The following IL1RAPL1 variants were observed in gnomAD, a reference collection of about 807,000 sequenced individuals.
IL1RAPL1 encodes the protein interleukin-1 receptor accessory protein-like 1.
Under a neutral mutation model 48.4 loss-of-function variants are expected in IL1RAPL1, and 3 were observed. The ratio of observed to expected loss-of-function variants is 0.06; its 90% CI spans 0.03 to 0.16. IL1RAPL1 has a LOEUF of 0.16. Ranked by LOEUF, IL1RAPL1 falls within the 10% of genes least tolerant of loss-of-function variation. IL1RAPL1 has a pLI of 1.00. For missense variants in IL1RAPL1, 349 were observed against 530.6 expected (o/e 0.66, Z 3.36); for synonymous variants, 185 against 187.7 (o/e 0.99, Z 0.12).
At chrX:29,282,897 A>G (rs1322605084) in intron 2 of IL1RAPL1, 41 bp from the exon 3 acceptor site, 22 of 1,187,623 alleles carry the variant, frequency 1.9e-5, no homozygotes, top group Admixed American at 4.4e-5. Flanking sequence ...TTTTGCCTCT[A>G]ATGTTTTTCC....
chrX:29,174,807 C>G (rs1334876353), intron 2 of IL1RAPL1, among the ~76,000 whole-genome samples: 1 of 111,932 alleles, frequency 8.9e-6, no homozygotes, highest in Non-Finnish European at 1.9e-5. Context: ...GGCGTGCTGG[C>G]TCACGCCTGC....
At chrX:29,338,394 ATAT>A (rs1933027056) in intron 3 of IL1RAPL1, among the ~76,000 whole-genome samples, 1 of 112,198 alleles carries the variant, frequency 8.9e-6, no homozygotes, top group Admixed American at 9.5e-5. Flanking sequence ...GGTTTTGTAG[ATAT>A]TATTAAATCT....
chrX:29,094,648 G>A (rs1928166097), intron 2 of IL1RAPL1, among the ~76,000 whole-genome samples: 1 of 100,599 alleles, frequency 9.9e-6, no homozygotes, highest in Non-Finnish European at 2.0e-5. Flanking sequence ...GCAGGTACCT[G>A]TAATCATAGC....
chrX:29,430,225 G>A (rs2147711370), intron 5 of IL1RAPL1, among the ~76,000 whole-genome samples: 2 of 110,896 alleles, frequency 1.8e-5, no homozygotes, highest in East Asian at 5.6e-4. Context: ...AAACTTCCTG[G>A]GGTCCCCTTA....
chrX:29,757,911 G>C (rs1490741818), intron 6 of IL1RAPL1, among the ~76,000 whole-genome samples: 1 of 111,379 alleles, frequency 9.0e-6, no homozygotes, highest in East Asian at 2.8e-4. Context: ...GGAGGAAGAA[G>C]AGGGTCAAAA....
intron 2 of IL1RAPL1, among the ~76,000 whole-genome samples, chrX:28,934,192 A>G (rs1923958252): frequency 9.0e-6 from 1 of 110,903 alleles, no homozygotes; most frequent in African/African-American, 3.3e-5. Flanking sequence ...TCTGGTTCGA[A>G]CACCTCTGAC....
chrX:29,380,753 G>T (rs941448832), intron 3 of IL1RAPL1, among the ~76,000 whole-genome samples: 6 of 111,902 alleles, frequency 5.4e-5, no homozygotes, highest in Non-Finnish European at 1.1e-4. Flanking sequence ...TACATTCCGA[G>T]TATCACTTGG....
Position 29,049,516 on chromosome X carries a change from C to A in IL1RAPL1, c.83-233422C>A, listed in dbSNP as rs139235368. On this transcript the variant is annotated intron_variant, in intron 2 of 10. Transcript: ENST00000378993. ...TGAAGATAGGGAGCCCTGACCCTTT[C>A]ATTTTCTGTTCCGTACATATTTGAC... 1.2e-3 allele frequency among the ~76,000 whole-genome samples: 139 copies of A among 111,719 alleles called. 3 individuals carry two copies. In the East Asian group the frequency reaches 0.038, roughly 31 times the overall value.
chrX:28,835,465 C>T (rs140540420), intron 2 of IL1RAPL1, among the ~76,000 whole-genome samples: 122 of 110,992 alleles, frequency 1.1e-3, no homozygotes, highest in African/African-American at 3.8e-3. Flanking sequence ...GGAACTATCT[C>T]GATTGCCCAA....
At chrX:29,838,541 A>T (rs886823335) in intron 6 of IL1RAPL1, among the ~76,000 whole-genome samples, 1 of 112,067 alleles carries the variant, frequency 8.9e-6, no homozygotes, top group African/African-American at 3.2e-5. Context: ...CACAGAGAAG[A>T]GCTTTGTTTG....
At chrX:29,477,020 A>G (rs1038888963) in intron 5 of IL1RAPL1, among the ~76,000 whole-genome samples, 2 of 106,126 alleles carry the variant, frequency 1.9e-5, no homozygotes, top group Non-Finnish European at 3.9e-5. Context: ...AGCTGGGACT[A>G]CAGGCGCCCG....
intron 5 of IL1RAPL1, among the ~76,000 whole-genome samples, chrX:29,653,611 G>A (rs1437724058): frequency 6.3e-5 from 7 of 110,819 alleles, no homozygotes; most frequent in Non-Finnish European, 1.1e-4. Flanking sequence ...TCTTATTTTT[G>A]GTAGTAATCA....
At chrX:28,823,331 A>G (rs1039675863) in intron 2 of IL1RAPL1, among the ~76,000 whole-genome samples, 1 of 111,076 alleles carries the variant, frequency 9.0e-6, no homozygotes, top group African/African-American at 3.3e-5. Context: ...TAGATTTATT[A>G]ATTTCCTCAT....
In IL1RAPL1 at chrX:29,810,418, T is replaced by A. The variant is rs752972019; in HGVS notation, c.779-107046T>A. On this transcript the variant is annotated intron_variant, in intron 6 of 10. Transcript: ENST00000378993. ...GTTGGCCAGGCTGGTCTCGAACTCC[T>A]GACCTCGTGATCCATCACCTCGGCC... Among the ~76,000 whole-genome samples the A allele has an allele frequency of 1.4e-4, 16 of 111,003 alleles. No homozygotes were observed. The East Asian group carries it at 4.5e-3, about 31-fold the overall frequency.
At chrX:29,381,268 A>G (rs1312453930) in intron 3 of IL1RAPL1, among the ~76,000 whole-genome samples, 1 of 108,772 alleles carries the variant, frequency 9.2e-6, no homozygotes, top group Non-Finnish European at 1.9e-5. Flanking sequence ...GTTACCAATA[A>G]TGTAATTTTG....
chrX:29,413,925 G>GTA (rs1934181209), intron 5 of IL1RAPL1, among the ~76,000 whole-genome samples: 2 of 110,148 alleles, frequency 1.8e-5, no homozygotes, highest in African/African-American at 3.3e-5. Context: ...GTATGTATGT[G>GTA]TATATATATG....
intron 5 of IL1RAPL1, among the ~76,000 whole-genome samples, chrX:29,575,853 G>A (rs1201991269): frequency 1.8e-5 from 2 of 111,906 alleles, no homozygotes; most frequent in Non-Finnish European, 3.8e-5. Context: ...GTGTCTCTGA[G>A]GGTATAGCTT....
At chrX:29,765,110 G>T (rs1282868105) in intron 6 of IL1RAPL1, among the ~76,000 whole-genome samples, 1 of 112,264 alleles carries the variant, frequency 8.9e-6, no homozygotes, top group Non-Finnish European at 1.9e-5. Context: ...TATAGTCTTT[G>T]TTCTCAAGCG....
chrX:29,499,976 T>A (rs1341870773), intron 5 of IL1RAPL1, among the ~76,000 whole-genome samples: 1 of 110,784 alleles, frequency 9.0e-6, no homozygotes, highest in African/African-American at 3.3e-5. Flanking sequence ...TTTTTCTTTT[T>A]CTTTTTCTTT....
Sources: gnomAD v4.1 joint callset for allele counts (sites outside exome capture counted in the v4.1 genomes callset) on GRCh38, gnomAD v4.1.1 for gene constraint, MANE v1.5 for transcripts, NCBI Gene and HGNC (gene_info 2026-07-23, HGNC 2026-07-21) for gene names.